Variants in CAST observed in about 807,000 individuals in gnomAD.
The protein encoded by CAST is calpastatin, also known as MIR583 host.
A neutral mutation model predicts 119.6 loss-of-function variants in CAST; 76 were observed. That is an observed-to-expected ratio of 0.64 (90% CI 0.53 to 0.77). CAST has a LOEUF of 0.77. Ranked by LOEUF, CAST falls within the 30% of genes least tolerant of loss-of-function variation. The pLI is 0.00. For missense variants in CAST, 953 were observed against 946.5 expected (o/e 1.01, Z -0.09); for synonymous variants, 319 against 331.6 (o/e 0.96, Z 0.41).
chr5:96,753,977 GATATGCCTTTCTGAATTGATAGCATA>G, intron 20 of CAST, 57 bp from the exon 21 acceptor site: 1 of 781,260 alleles, frequency 1.3e-6, no homozygotes, highest in Non-Finnish European at 2.3e-6. Flanking sequence ...CTGAAATAAT[GATATGCCTTTCTGAATTGATAGCATA>G]TGTTTTAAAG....
intron 1 of CAST, among the ~76,000 whole-genome samples, chr5:96,558,250 G>T (rs959901800): frequency 1.3e-5 from 2 of 152,080 alleles, no homozygotes; most frequent in African/African-American, 2.4e-5. Context: ...ACAAGAGAAA[G>T]CAGGAAAGAT....
the CAST span, among the ~76,000 whole-genome samples, chr5:96,480,774 A>C: frequency 1.3e-5 from 2 of 152,210 alleles, no homozygotes; most frequent in African/African-American, 2.4e-5. Context: ...GGTGGTCTAT[A>C]CTGTTAAGTT....
the CAST span, among the ~76,000 whole-genome samples, chr5:96,370,669 G>T: frequency 6.6e-6 from 1 of 152,330 alleles, no homozygotes; most frequent in East Asian, 1.9e-4. Flanking sequence ...TCACGGTAGG[G>T]ATAGGAAGAG....
At chr5:96,483,828 C>A in the CAST span, among the ~76,000 whole-genome samples, 1 of 152,120 alleles carries the variant, frequency 6.6e-6, no homozygotes, top group Admixed American at 6.6e-5. Context: ...AATAAGAGGA[C>A]AAGCTCAGAG....
Position 96,750,573 on chromosome 5 carries a change from G to A in CAST, c.1429-14G>A. 1 of 1,574,290 alleles carries A rather than the reference G, an allele frequency of 6.4e-7. No individual in the cohort carries two copies. On this transcript the variant is annotated splice_polypyrimidine_tract_variant and intron_variant, in intron 19 of 31. Coordinates refer to ENST00000675179, the MANE Select transcript of CAST (RefSeq NM_001750.7). ...ATTTCTAAACTTATTGAGAGTACTTGTGTCTTTCCTCAGGAATCTAAGGCC... is the reference window on the plus strand; with the variant it reads ...ATTTCTAAACTTATTGAGAGTACTTATGTCTTTCCTCAGGAATCTAAGGCC...
At chr5:96,700,643 C>T (rs1336209221) in intron 3 of CAST, among the ~76,000 whole-genome samples, 1 of 152,138 alleles carries the variant, frequency 6.6e-6, no homozygotes, top group Non-Finnish European at 1.5e-5. Context: ...TTTAGGCTAC[C>T]CATAACCTAA....
the CAST span, among the ~76,000 whole-genome samples, chr5:95,963,127 A>G: frequency 6.6e-6 from 1 of 152,252 alleles, no homozygotes; most frequent in Non-Finnish European, 1.5e-5. Context: ...GGCAGTTTAA[A>G]AAAGTTCTTT....
intron 1 of CAST, among the ~76,000 whole-genome samples, chr5:96,599,787 T>G (rs1211179153): frequency 6.6e-6 from 1 of 152,036 alleles, no homozygotes; most frequent in African/African-American, 2.4e-5. Flanking sequence ...AATAAGCTAT[T>G]TTCTTTCTAT....
the CAST span, among the ~76,000 whole-genome samples, chr5:96,145,945 T>C: frequency 1.3e-5 from 2 of 152,150 alleles, no homozygotes; most frequent in Non-Finnish European, 2.9e-5. Flanking sequence ...GGCTGTCAGC[T>C]GGGGGTCTTA....
At chr5:96,203,998 C>T in the CAST span, among the ~76,000 whole-genome samples, 2 of 151,856 alleles carry the variant, frequency 1.3e-5, no homozygotes, top group East Asian at 1.9e-4. Flanking sequence ...AGTAGGGTTT[C>T]GAAGGAATGG....
chr5:96,069,655 CTTT>C, the CAST span, among the ~76,000 whole-genome samples: 1 of 78,372 alleles, frequency 1.3e-5, no homozygotes, highest in African/African-American at 5.2e-5. Flanking sequence ...GGTAATTAAA[CTTT>C]TTTTTTTTTT....
At chr5:96,009,657 T>C in the CAST span, among the ~76,000 whole-genome samples, 1 of 152,120 alleles carries the variant, frequency 6.6e-6, no homozygotes, top group African/African-American at 2.4e-5. Flanking sequence ...TGTTTTTTGC[T>C]TGTTGATTGA....
chr5:96,431,581 A>G, the CAST span, among the ~76,000 whole-genome samples: 2 of 152,310 alleles, frequency 1.3e-5, no homozygotes, highest in East Asian at 3.9e-4. Context: ...CACGAGGGCA[A>G]GGGCTGGCCA....
chr5:96,770,604 T>C lies in CAST; in HGVS notation c.2340+2T>C, dbSNP rs1473303951. 1 of 1,600,506 alleles carries C rather than the reference T, an allele frequency of 6.2e-7. No homozygotes were observed. The highest frequency in any genetic ancestry group is 1.7e-5 in the Admixed American group (1 of 59,940). On this transcript the variant is annotated splice_donor_variant, in intron 30 of 31. Coordinates refer to ENST00000675179, the MANE Select transcript of CAST (RefSeq NM_001750.7). LOFTEE classifies it high-confidence loss of function. ...GGTAAAGCGAAGGATTCAGCAAAGG[T>C]AAATGGAGCAGTAAATATACTACAA... is the stretch of plus-strand genomic sequence containing the variant.
chr5:96,475,566 G>A, the CAST span, among the ~76,000 whole-genome samples: 2 of 152,204 alleles, frequency 1.3e-5, no homozygotes, highest in South Asian at 2.1e-4. Context: ...GATGGGCCGA[G>A]TACCCTGGTG....
chr5:96,611,609 C>A (rs1747363387), intron 1 of CAST, among the ~76,000 whole-genome samples: 1 of 151,840 alleles, frequency 6.6e-6, no homozygotes, highest in South Asian at 2.1e-4. Context: ...AAAATTGAAA[C>A]CTAATTAAAC....
the CAST span, among the ~76,000 whole-genome samples, chr5:96,045,720 A>C: frequency 1.3e-5 from 2 of 152,220 alleles, no homozygotes; most frequent in African/African-American, 2.4e-5. Context: ...TACCTGCTGA[A>C]GGTCACATAG....
At chr5:96,583,882 T>C (rs1580834788) in intron 1 of CAST, among the ~76,000 whole-genome samples, 1 of 152,188 alleles carries the variant, frequency 6.6e-6, no homozygotes, top group East Asian at 1.9e-4. Context: ...AAACAGCAAG[T>C]GGTAGTGGTA....
the CAST span, among the ~76,000 whole-genome samples, chr5:96,297,516 A>C: frequency 2.6e-5 from 4 of 152,142 alleles, no homozygotes; most frequent in African/African-American, 9.7e-5. Context: ...GATGCTTGAC[A>C]TGAAACAGCT....
Sources: allele counts gnomAD v4.1 joint callset (sites outside exome capture counted in the v4.1 genomes callset), GRCh38; gene constraint gnomAD v4.1.1; transcripts MANE v1.5; gene names NCBI Gene and HGNC (gene_info 2026-07-23, HGNC 2026-07-21).